The following UGT1A10 variants were observed in gnomAD, a reference collection of about 807,000 sequenced individuals.
UGT1A10 encodes the protein UDP-glucuronosyltransferase 1A10.
UGT1A10 carries 49 observed loss-of-function variants against 45.8 expected under a neutral mutation model. That is an observed-to-expected ratio of 1.07 (90% CI 0.85 to 1.36). The LOEUF is 1.36. Among genes scored for constraint, UGT1A10 ranks in the 40% most tolerant of loss-of-function variants. The probability of loss-of-function intolerance (pLI) is 0.00; values close to 1 mark genes in which losing one functional copy is unlikely to be tolerated. For synonymous variants in UGT1A10, 284 were observed against 249.7 expected, an observed-to-expected ratio of 1.14 and a Z score of -1.29; for missense variants, 745 against 668.6, an observed-to-expected ratio of 1.11 and a Z score of -1.26.
chr2:233,688,596 C>T (rs544996820), intron 1 of UGT1A10, among the ~76,000 whole-genome samples: 2 of 152,264 alleles, frequency 1.3e-5, no homozygotes, highest in African/African-American at 4.8e-5. Context: ...GTTGGTGTTA[C>T]AGAATAACAC....
rs1215363887 is a variant in UGT1A10, at chr2:233,682,113, T to C, written c.855+44736T>C. The C allele has an allele frequency of 2.5e-6, 4 of 1,614,194 alleles. No individual in the cohort carries two copies. The South Asian group carries it at 4.4e-5, about 18-fold the overall frequency. ...AGGGGGCATGAGGTGGTCGTAGTCA[T>C]GCCAGAGGTGAGTTGGCAACTGGGA... On this transcript the variant is annotated intron_variant, in intron 1 of 4. Transcript: ENST00000344644.
chr2:233,754,732 C>T (rs561827604), intron 1 of UGT1A10: 4 of 641,140 alleles, frequency 6.2e-6, no homozygotes, highest in African/African-American at 5.6e-5. Flanking sequence ...CCATCACTAC[C>T]GTAGGACATG....
intron 1 of UGT1A10, among the ~76,000 whole-genome samples, chr2:233,727,709 G>A (rs1490010404): frequency 6.6e-6 from 1 of 152,172 alleles, no homozygotes; most frequent in Non-Finnish European, 1.5e-5. Context: ...AGTTCCCAAA[G>A]CCCTTGCAGA....
At chr2:233,645,364 C>A (rs1376788777) in intron 1 of UGT1A10, among the ~76,000 whole-genome samples, 1 of 152,172 alleles carries the variant, frequency 6.6e-6, no homozygotes, top group Non-Finnish European at 1.5e-5. Context: ...CCTCCCAAAT[C>A]TCATGTCCTC....
At chr2:233,712,316 A>C (rs1308909918) in intron 1 of UGT1A10, among the ~76,000 whole-genome samples, 1 of 151,652 alleles carries the variant, frequency 6.6e-6, no homozygotes, top group Non-Finnish European at 1.5e-5. Context: ...ATCCTCAACA[A>C]AGCCTTTCCA....
Position 233,719,056 on chromosome 2 carries a change from C to A in UGT1A10, c.856-47978C>A, listed in dbSNP as rs772884705. ...GAAGAGAAATTTTTCACCCTGACAGCCTATGCTGTTCCATGGACCCAGAAG... is the reference window on the plus strand; with the variant it reads ...GAAGAGAAATTTTTCACCCTGACAGACTATGCTGTTCCATGGACCCAGAAG... On this transcript the variant is annotated intron_variant, in intron 1 of 4. Transcript: ENST00000344644. 197 of 1,614,166 alleles carry A rather than the reference C, an allele frequency of 1.2e-4. 1 individual carries two copies. The highest frequency in any genetic ancestry group is 1.6e-4 in the Non-Finnish European group (189 of 1,180,058).
Position 233,713,840 on chromosome 2 carries a change from C to T in UGT1A10, c.856-53194C>T, listed in dbSNP as rs149208140. The T allele has an allele frequency of 4.2e-3, 6,793 of 1,614,012 alleles. 23 individuals carry two copies. Among genetic ancestry groups the T allele is most frequent in the Non-Finnish European group, 5.2e-3 (6,094 of 1,179,958 alleles). On this transcript the variant is annotated intron_variant, in intron 1 of 4. Transcript: ENST00000344644. ...TCATTGGGGGCATCAACTGTGCCAA[C>T]GGGAAGCCACTATCTCAGGTCTGTA...
chr2:233,648,795 G>A (rs1171380812), intron 1 of UGT1A10: 2 of 914,948 alleles, frequency 2.2e-6, no homozygotes, highest in East Asian at 3.8e-5. Context: ...AGAGAGTAAG[G>A]AACCACATCT....
intron 1 of UGT1A10, chr2:233,713,123 G>T (rs571793851): frequency 6.2e-7 from 1 of 1,614,234 alleles, no homozygotes; most frequent in South Asian, 1.1e-5. Context: ...GGCTCAGCAT[G>T]CGGGAGGCCT....
intron 1 of UGT1A10, among the ~76,000 whole-genome samples, chr2:233,669,631 G>C (rs114850020): frequency 6.6e-6 from 1 of 152,112 alleles, no homozygotes; most frequent in Non-Finnish European, 1.5e-5. Flanking sequence ...TGAGGATTGA[G>C]GTACCAACCC....
intron 1 of UGT1A10, among the ~76,000 whole-genome samples, chr2:233,752,890 C>G (rs537828663): frequency 5.9e-5 from 9 of 152,204 alleles, no homozygotes; most frequent in African/African-American, 1.7e-4. Flanking sequence ...AACTAGCCAG[C>G]GTTGTTACAG....
chr2:233,638,863 G>A (rs1408951270), intron 1 of UGT1A10, among the ~76,000 whole-genome samples: 3 of 152,184 alleles, frequency 2.0e-5, no homozygotes, highest in African/African-American at 7.2e-5. Context: ...TCAAAATTAG[G>A]CATGACTTTC....
chr2:233,661,623 T>TTTTCTTTCCTTCTTTC (rs1553602618), intron 1 of UGT1A10, among the ~76,000 whole-genome samples: 176 of 124,046 alleles, frequency 1.4e-3, no homozygotes, highest in African/African-American at 5.3e-3. Flanking sequence ...ACTTACTGAA[T>TTTTCTTTCCTTCTTTC]TTTCTTTCTT....
intron 1 of UGT1A10, among the ~76,000 whole-genome samples, chr2:233,662,383 A>C (rs2073991223): frequency 1.3e-5 from 2 of 152,138 alleles, no homozygotes; most frequent in South Asian, 4.1e-4. Context: ...ACATTTTCTA[A>C]TATATTTATT....
chr2:233,766,968 C>G, intron 1 of UGT1A10, 66 bp from the exon 2 acceptor site: 2 of 1,609,596 alleles, frequency 1.2e-6, no homozygotes, highest in Non-Finnish European at 1.7e-6. Context: ...TAATTCATAA[C>G]TTACTGTATG....
At chr2:233,730,564 A>G (rs1270529566) in intron 1 of UGT1A10, among the ~76,000 whole-genome samples, 1 of 152,140 alleles carries the variant, frequency 6.6e-6, no homozygotes, top group Non-Finnish European at 1.5e-5. Context: ...AGAATGACAC[A>G]CGAAGTTCAG....
chr2:233,731,447 C>A (rs113893267), intron 1 of UGT1A10, among the ~76,000 whole-genome samples: 5,926 of 152,214 alleles, frequency 0.039, 357 homozygotes, highest in African/African-American at 0.13. Flanking sequence ...TCCCCCACCC[C>A]ACAACAGGCC....
chr2:233,680,877 T>A (rs573475501), intron 1 of UGT1A10, among the ~76,000 whole-genome samples: 1 of 151,960 alleles, frequency 6.6e-6, no homozygotes, highest in East Asian at 2.0e-4. Context: ...TGGGCAAGCA[T>A]AGGGACGGCG....
chr2:233,717,173 C>T (rs1198418738), intron 1 of UGT1A10, among the ~76,000 whole-genome samples: 1 of 152,178 alleles, frequency 6.6e-6, no homozygotes, highest in African/African-American at 2.4e-5. Context: ...TTGAATGTGG[C>T]AAGAGCACCC....
Sources: allele counts gnomAD v4.1 joint callset (sites outside exome capture counted in the v4.1 genomes callset), GRCh38; gene constraint gnomAD v4.1.1; transcripts MANE v1.5; gene names NCBI Gene and HGNC (gene_info 2026-07-23, HGNC 2026-07-21).